Variants in ISM1 observed in about 807,000 individuals in gnomAD.
ISM1 encodes the protein isthmin 1.
A neutral mutation model predicts 46.3 loss-of-function variants in ISM1; 25 were observed. The observed-to-expected ratio is 0.54, with a 90% CI of 0.39 to 0.75. The LOEUF is 0.75. Ranked by LOEUF, ISM1 falls within the 30% of genes least tolerant of loss-of-function variation. ISM1 has a pLI of 0.00. For synonymous variants in ISM1, 255 were observed against 256.7 expected (o/e 0.99, Z 0.06); for missense variants, 536 against 625.4 (o/e 0.86, Z 1.52).
At chr20:13,304,370 C>T (rs1054166701), downstream of ISM1, among the ~76,000 whole-genome samples, 1 of 152,132 alleles carries the variant, frequency 6.6e-6, no homozygotes, top group Non-Finnish European at 1.5e-5. Flanking sequence ...GGGAGAGGTC[C>T]TTCTCACTCC....
intron 1 of ISM1, among the ~76,000 whole-genome samples, chr20:13,230,720 A>G (rs1372044406): frequency 6.6e-6 from 1 of 152,058 alleles, no homozygotes; most frequent in Non-Finnish European, 1.5e-5. Flanking sequence ...AGTGAGTTCA[A>G]ACAAACAGCA....
chr20:13,223,743 A>G (rs767049015), intron 1 of ISM1, among the ~76,000 whole-genome samples: 13 of 152,296 alleles, frequency 8.5e-5, no homozygotes, highest in Middle Eastern at 3.4e-3. Context: ...CCACCATCCT[A>G]TAGACTGGGG....
chr20:13,229,149 T>G (rs1256503613), intron 1 of ISM1, among the ~76,000 whole-genome samples: 1 of 109,446 alleles, frequency 9.1e-6, no homozygotes, highest in Non-Finnish European at 2.0e-5. Context: ...TCTCTCTCTC[T>G]CTTTCTGCAT....
rs573443752 is a variant in ISM1 at position 13,263,219 on chromosome 20, C to T, written c.139-7285C>T. On this transcript the variant is annotated intron_variant, in intron 1 of 5. Coordinates refer to ENST00000262487, the MANE Select transcript of ISM1 (RefSeq NM_080826.2). ...GGGAATGATTGCCATCATACACAGG[C>T]TTCATGAGAGCAGCAGCTGGTCAGC... is the stretch of plus-strand genomic sequence containing the variant. Among the ~76,000 whole-genome samples, 108 of 152,320 alleles carry T rather than the reference C, an allele frequency of 7.1e-4. 1 individual carries two copies. The highest frequency in any genetic ancestry group is 2.5e-3 in the African/African-American group (103 of 41,564).
intron 1 of ISM1, among the ~76,000 whole-genome samples, chr20:13,252,931 C>G (rs1365037911): frequency 6.6e-6 from 1 of 151,970 alleles, no homozygotes; most frequent in African/African-American, 2.4e-5. Flanking sequence ...GGGTCCCCAG[C>G]CCCCCCTCTC....
intron 4 of ISM1, among the ~76,000 whole-genome samples, chr20:13,290,789 G>A (rs1322118151): frequency 1.3e-5 from 2 of 152,194 alleles, no homozygotes; most frequent in African/African-American, 4.8e-5. Flanking sequence ...GTATTATTTT[G>A]TTTAATGTTC....
At chr20:13,296,031 C>T (rs557814703) in intron 5 of ISM1, among the ~76,000 whole-genome samples, 1 of 152,306 alleles carries the variant, frequency 6.6e-6, no homozygotes, top group East Asian at 1.9e-4. Context: ...AATGACCTTG[C>T]ATTTTTGGAC....
chr20:13,292,250 G>T lies in ISM1; in HGVS notation c.788-124G>T. 4 of 636,826 alleles carry T rather than the reference G, an allele frequency of 6.3e-6. No homozygotes were observed. The South Asian group carries it at 7.9e-5, about 13-fold the overall frequency. 39.4% of individuals were successfully genotyped at this position (636,826 alleles called of 1,614,324 possible). ...CTGTTTCCTCTGTTGGCAAGTTTCT[G>T]CCCGTGAGTAGTAATGAATACAAAA... is the stretch of plus-strand genomic sequence containing the variant. On this transcript the variant is annotated intron_variant, in intron 4 of 5. Transcript: ENST00000262487.
At chr20:13,249,195 G>C (rs147817103) in intron 1 of ISM1, among the ~76,000 whole-genome samples, 3 of 152,112 alleles carry the variant, frequency 2.0e-5, no homozygotes, top group South Asian at 2.1e-4. Flanking sequence ...CGGGAATCAG[G>C]GTTCCTAATG....
intron 1 of ISM1, among the ~76,000 whole-genome samples, chr20:13,225,844 TTTAA>T (rs1369721909): frequency 6.6e-6 from 1 of 152,158 alleles, no homozygotes; most frequent in Non-Finnish European, 1.5e-5. Context: ...TTCACATATA[TTTAA>T]TTAATGTTAA....
chr20:13,321,060 A>G, the ISM1 span, among the ~76,000 whole-genome samples: 1 of 151,782 alleles, frequency 6.6e-6, no homozygotes, highest in Non-Finnish European at 1.5e-5. Context: ...TTAGCCAGGC[A>G]TGGTGGTACG....
the ISM1 span, among the ~76,000 whole-genome samples, chr20:13,323,146 A>C: frequency 1.3e-5 from 2 of 152,226 alleles, no homozygotes; most frequent in South Asian, 4.1e-4. Context: ...AGGGAGGGCA[A>C]GAGAACAGAG....
At position 13,222,459 on chromosome 20, in the gene ISM1, A is replaced by G. The variant is rs532771304; in HGVS notation, c.138+545A>G. Among the ~76,000 whole-genome samples, 11 of 152,102 alleles carry G rather than the reference A, an allele frequency of 7.2e-5. No individual in the cohort carries two copies. In the South Asian group the frequency reaches 2.1e-3, roughly 29 times the overall value. ...TCACCCTCAGGGTTCCCTTGCTTCC[A>G]GTGTTCCTCTTCCTCCGGGAGCCTC... On this transcript the variant is annotated intron_variant, in intron 1 of 5. Transcript: ENST00000262487.
At chr20:13,288,746 A>C in intron 4 of ISM1, 63 bp downstream of exon 4, 1 of 1,497,794 alleles carries the variant, frequency 6.7e-7, no homozygotes, top group Non-Finnish European at 9.1e-7. Context: ...TATCATTAAA[A>C]ACTTAGTGAC....
At chr20:13,273,498 A>C (rs1384149986) in intron 2 of ISM1, among the ~76,000 whole-genome samples, 8 of 152,058 alleles carry the variant, frequency 5.3e-5, no homozygotes, top group Non-Finnish European at 1.2e-4. Flanking sequence ...AGCCTCTCAA[A>C]ATGCGGGGAT....
At chr20:13,325,843 T>C in the ISM1 span, among the ~76,000 whole-genome samples, 1 of 152,170 alleles carries the variant, frequency 6.6e-6, no homozygotes, top group African/African-American at 2.4e-5. Context: ...AAGAAAACAT[T>C]GTTCTTTAAT....
intron 2 of ISM1, among the ~76,000 whole-genome samples, chr20:13,274,774 A>G (rs777175565): frequency 2.0e-5 from 3 of 151,848 alleles, no homozygotes; most frequent in Non-Finnish European, 2.9e-5. Context: ...CCCAGAAGTC[A>G]GGCAGCCTCG....
At chr20:13,288,253 A>G (rs1406583200) in intron 3 of ISM1, among the ~76,000 whole-genome samples, 1 of 152,206 alleles carries the variant, frequency 6.6e-6, no homozygotes, top group Non-Finnish European at 1.5e-5. Context: ...ACTGCCTAGC[A>G]TATTACCCCA....
chr20:13,253,125 C>T (rs2039886172), intron 1 of ISM1, among the ~76,000 whole-genome samples: 1 of 152,188 alleles, frequency 6.6e-6, no homozygotes, highest in Admixed American at 6.5e-5. Context: ...GCTACCCAAG[C>T]AGACCTGGCA....
Sources: allele counts gnomAD v4.1 joint callset (sites outside exome capture counted in the v4.1 genomes callset), GRCh38; gene constraint gnomAD v4.1.1; transcripts MANE v1.5; gene names NCBI Gene and HGNC (gene_info 2026-07-23, HGNC 2026-07-21).